The following ADAMTS17 variants were observed in gnomAD, a reference collection of about 807,000 sequenced individuals.
ADAMTS17 encodes the protein ADAM metallopeptidase with thrombospondin type 1 motif 17.
ADAMTS17 carries 113 observed loss-of-function variants against 141.5 expected under a neutral mutation model. The observed-to-expected ratio is 0.80, with a 90% CI of 0.69 to 0.93. The LOEUF is 0.93. Ranked by LOEUF, ADAMTS17 falls within the 40% of genes least tolerant of loss-of-function variation. The pLI, the probability that ADAMTS17 is intolerant of heterozygous loss-of-function variation, is 0.00. For synonymous variants in ADAMTS17, 768 were observed against 630.6 expected, an observed-to-expected ratio of 1.22 and a Z score of -3.27; for missense variants, 1,659 against 1,517.9, an observed-to-expected ratio of 1.09 and a Z score of -1.54.
At chr15:99,996,219 T>A (rs190399057) in intron 19 of ADAMTS17, among the ~76,000 whole-genome samples, 4 of 152,294 alleles carry the variant, frequency 2.6e-5, no homozygotes, top group Admixed American at 6.5e-5. Context: ...CATGCCCGGC[T>A]AATTTTTTGT....
At chr15:100,123,361 T>C (rs141804807) in intron 12 of ADAMTS17, among the ~76,000 whole-genome samples, 167 of 152,222 alleles carry the variant, frequency 1.1e-3, no homozygotes, top group African/African-American at 3.9e-3. Flanking sequence ...GAACAGTTAA[T>C]ATAAGAGATT....
At position 100,262,607 on chromosome 15, in the gene ADAMTS17, A is replaced by G. The variant is rs187189856; in HGVS notation, c.790-172T>C. Among the ~76,000 whole-genome samples the G allele has an allele frequency of 5.9e-5, 9 of 152,276 alleles. No individual in the cohort carries two copies. The East Asian group carries it at 1.7e-3, about 29-fold the overall frequency. ...CTGTATCAGTATTGGTGCATTAATTACAAGAAACATGCCATTCTAATATGA... is the reference window on the plus strand; with the variant it reads ...CTGTATCAGTATTGGTGCATTAATTGCAAGAAACATGCCATTCTAATATGA... On this transcript the variant is annotated intron_variant, in intron 4 of 21. Coordinates refer to ENST00000268070, the MANE Select transcript of ADAMTS17 (RefSeq NM_139057.4).
chr15:100,057,843 G>A (rs910112953), intron 15 of ADAMTS17, among the ~76,000 whole-genome samples: 20 of 152,222 alleles, frequency 1.3e-4, no homozygotes, highest in Admixed American at 9.2e-4. Flanking sequence ...CCAGTGCGGA[G>A]AGAAACCGTT....
intron 3 of ADAMTS17, among the ~76,000 whole-genome samples, chr15:100,287,092 G>A (rs1006539252): frequency 6.6e-6 from 1 of 152,180 alleles, no homozygotes; most frequent in Non-Finnish European, 1.5e-5. Context: ...GGAGGCTGAG[G>A]TGGGAGAATC....
intron 7 of ADAMTS17, among the ~76,000 whole-genome samples, chr15:100,225,862 G>A (rs56232086): frequency 1.8e-4 from 26 of 146,498 alleles, no homozygotes; most frequent in South Asian, 4.4e-4. Flanking sequence ...CAGCAGTCAC[G>A]GCCTCTGCGC....
At chr15:100,263,705 G>A (rs2043610308) in intron 4 of ADAMTS17, among the ~76,000 whole-genome samples, 1 of 152,230 alleles carries the variant, frequency 6.6e-6, no homozygotes, top group South Asian at 2.1e-4. Context: ...CATAGTAAAG[G>A]TAGTGGCAGA....
intron 10 of ADAMTS17, among the ~76,000 whole-genome samples, chr15:100,148,849 A>T (rs1378531043): frequency 2.0e-5 from 3 of 151,978 alleles, no homozygotes; most frequent in Non-Finnish European, 4.4e-5. Context: ...ACAGAACTCA[A>T]AAAAGGTGAC....
chr15:100,047,129 G>A (rs930744724), intron 18 of ADAMTS17, among the ~76,000 whole-genome samples: 12 of 151,972 alleles, frequency 7.9e-5, no homozygotes, highest in Middle Eastern at 3.4e-3. Flanking sequence ...CATGAAATGA[G>A]CCCCAGTCTC....
At chr15:100,337,360 T>G (rs1365137335) in intron 2 of ADAMTS17, among the ~76,000 whole-genome samples, 1 of 152,240 alleles carries the variant, frequency 6.6e-6, no homozygotes, top group Non-Finnish European at 1.5e-5. Flanking sequence ...TGAGGTGGGC[T>G]GGGCCACCAG....
In ADAMTS17 at chr15:99,974,635, G is replaced by T. The variant is rs114338208; in HGVS notation, c.3128-73C>A. On this transcript the variant is annotated intron_variant, in intron 21 of 21. Transcript: ENST00000268070. ...ATGTCCTGATGCAGGCACAGGGAGG[G>T]CTTGTGGTCTGACCGTCTGGGCTCC... is the stretch of plus-strand genomic sequence containing the variant. 2,708 of 1,593,868 alleles carry T rather than the reference G, an allele frequency of 1.7e-3. 45 individuals carry two copies. In the African/African-American group the frequency reaches 0.032, roughly 19 times the overall value.
At chr15:99,995,090 G>C (rs2060773242) in intron 19 of ADAMTS17, among the ~76,000 whole-genome samples, 1 of 152,196 alleles carries the variant, frequency 6.6e-6, no homozygotes, top group Non-Finnish European at 1.5e-5. Flanking sequence ...GCAGGGGTAG[G>C]AGGCTGATTG....
At chr15:100,254,255 C>CT in intron 6 of ADAMTS17, 76 bp from the exon 7 acceptor site, 2 of 1,309,438 alleles carry the variant, frequency 1.5e-6, no homozygotes, top group Non-Finnish European at 2.2e-6. Flanking sequence ...GTGAATTAAC[C>CT]TCAAGTAGTC....
At chr15:100,104,474 T>C (rs1342481607) in intron 14 of ADAMTS17, among the ~76,000 whole-genome samples, 1 of 152,184 alleles carries the variant, frequency 6.6e-6, no homozygotes, top group East Asian at 1.9e-4. Flanking sequence ...TGAATCAGCC[T>C]GCTATTTGGA....
At chr15:100,163,291 C>T (rs2039813480) in intron 8 of ADAMTS17, among the ~76,000 whole-genome samples, 1 of 152,076 alleles carries the variant, frequency 6.6e-6, no homozygotes, top group South Asian at 2.1e-4. Context: ...CTATTCCAGT[C>T]AGCAAGCGTG....
chr15:100,061,281 T>C (rs188212864), intron 15 of ADAMTS17, among the ~76,000 whole-genome samples: 1,879 of 152,280 alleles, frequency 0.012, 20 homozygotes, highest in Non-Finnish European at 0.021. Flanking sequence ...GTGGAGACCC[T>C]GGATGAGACA....
intron 12 of ADAMTS17, among the ~76,000 whole-genome samples, chr15:100,120,152 C>G (rs1013854765): frequency 6.6e-6 from 1 of 152,154 alleles, no homozygotes; most frequent in East Asian, 1.9e-4. Flanking sequence ...GGAGGAAGCA[C>G]CAGGAATCCA....
intron 8 of ADAMTS17, among the ~76,000 whole-genome samples, chr15:100,180,643 T>C (rs2141526575): frequency 6.6e-6 from 1 of 152,358 alleles, no homozygotes; most frequent in East Asian, 1.9e-4. Context: ...ATTCTTACAA[T>C]TCATGAACGC....
At chr15:100,261,375 G>A (rs1056333767) in intron 6 of ADAMTS17, 104 bp downstream of exon 6, 162 of 1,525,322 alleles carry the variant, frequency 1.1e-4, no homozygotes, top group Non-Finnish European at 1.4e-4. Context: ...GTGGCCCAAG[G>A]TCTGATTTCC....
At chr15:100,050,999 C>A (rs2032093184) in intron 17 of ADAMTS17, among the ~76,000 whole-genome samples, 1 of 152,210 alleles carries the variant, frequency 6.6e-6, no homozygotes, top group Admixed American at 6.5e-5. Context: ...CCTGTGGACC[C>A]TGCAGTGTGC....
Sources: gnomAD v4.1 joint callset for allele counts (sites outside exome capture counted in the v4.1 genomes callset) on GRCh38, gnomAD v4.1.1 for gene constraint, MANE v1.5 for transcripts, NCBI Gene and HGNC (gene_info 2026-07-23, HGNC 2026-07-21) for gene names.